RS1: variants seen among roughly 807,000 people sequenced by gnomAD.
The protein encoded by RS1 is retinoschisin.
In RS1, 2 loss-of-function variants were observed where a neutral mutation model predicts 20.8. The ratio of observed to expected loss-of-function variants is 0.10; its 90% CI spans 0.04 to 0.30. RS1 has a LOEUF of 0.30. Ranked by LOEUF, RS1 falls within the 10% of genes least tolerant of loss-of-function variation. RS1 has a pLI of 1.00. For synonymous variants in RS1, 70 were observed against 75.8 expected, an observed-to-expected ratio of 0.92 and a Z score of 0.40; for missense variants, 151 against 189.8, an observed-to-expected ratio of 0.80 and a Z score of 1.20.
Position 18,650,592 on chromosome X carries a change from G to A in RS1, c.185-3260C>T, listed in dbSNP as rs866859766. On this transcript the variant is annotated intron_variant, in intron 3 of 5. Transcript: ENST00000379984. ...TTTCAGCTGCCCAACCCAGCAATCC[G>A]GTAAGCAGAGACTCTAGACCGGTGG... The A allele has an allele frequency of 1.5e-5, 18 of 1,211,471 alleles. No individual in the cohort carries two copies. Among genetic ancestry groups the A allele is most frequent in the South Asian group, 1.1e-4 (6 of 57,032 alleles).
intron 1 of RS1, among the ~76,000 whole-genome samples, chrX:18,664,099 A>G (rs776986189): frequency 2.7e-5 from 3 of 112,339 alleles, no homozygotes; most frequent in Non-Finnish European, 5.6e-5. Context: ...CTCCAAAACC[A>G]AAAACATGTG....
chrX:18,644,658 C>A (rs759260793), intron 4 of RS1, 33 bp from the exon 5 acceptor site: 6 of 1,191,490 alleles, frequency 5.0e-6, no homozygotes, highest in Non-Finnish European at 5.7e-6. Context: ...CCGAGAGACT[C>A]CCCCTGTGCA....
chrX:18,647,645 C>G (rs995827121), intron 3 of RS1: 3 of 301,569 alleles, frequency 9.9e-6, no homozygotes, highest in Non-Finnish European at 1.8e-5. Context: ...CCTCCACCAA[C>G]TTAGAGATCT....
intron 3 of RS1, chrX:18,650,679 C>A: frequency 2.0e-6 from 2 of 1,016,977 alleles, no homozygotes; most frequent in Non-Finnish European, 2.8e-6. Context: ...GATGTTCAGG[C>A]CACACCCCCA....
chrX:18,649,079 G>T, intron 3 of RS1, among the ~76,000 whole-genome samples: 1 of 107,449 alleles, frequency 9.3e-6, no homozygotes, highest in Middle Eastern at 4.7e-3. Context: ...AGAGACCTTA[G>T]CCTTGATAAC....
At chrX:18,644,305 G>A (rs1481490100) in intron 5 of RS1, 125 bp downstream of exon 5, 5 of 620,530 alleles carry the variant, frequency 8.1e-6, no homozygotes, top group African/African-American at 2.2e-5. Flanking sequence ...GTGGGGGAAA[G>A]CGCAGATGAT....
At chrX:18,652,119 A>G (rs955388692) in intron 3 of RS1, among the ~76,000 whole-genome samples, 7 of 110,609 alleles carry the variant, frequency 6.3e-5, no homozygotes, top group Non-Finnish European at 1.3e-4. Flanking sequence ...TTCTCCCCCT[A>G]GCTGAGCAGA....
At chrX:18,647,124 C>T in intron 4 of RS1, 67 bp downstream of exon 4, 3 of 1,154,872 alleles carry the variant, frequency 2.6e-6, no homozygotes, top group Non-Finnish European at 3.5e-6. Context: ...ACTGTGTTGG[C>T]CACGCTGGTA....
chrX:18,647,893 GAA>G (rs5901648), intron 3 of RS1, among the ~76,000 whole-genome samples: 1 of 106,821 alleles, frequency 9.4e-6, no homozygotes, highest in Non-Finnish European at 1.9e-5. Context: ...CCAGTCTAAT[GAA>G]AAAAAAAATG....
Position 18,665,549 on chromosome X carries a change from C to T in RS1, c.52+6468G>A, listed in dbSNP as rs183753915. Among the ~76,000 whole-genome samples, 13 of 110,209 alleles carry T rather than the reference C, an allele frequency of 1.2e-4. No homozygotes were observed. The East Asian group carries it at 3.1e-3, about 27-fold the overall frequency. Reference sequence around the variant, plus strand: ...ATGCGTCCCCCCACCCCTACTTCTCCGCCTGCTCAGCCCATTCCCTATAAA... The same window carrying T: ...ATGCGTCCCCCCACCCCTACTTCTCTGCCTGCTCAGCCCATTCCCTATAAA... On this transcript the variant is annotated intron_variant, in intron 1 of 5. Coordinates refer to ENST00000379984, the MANE Select transcript of RS1 (RefSeq NM_000330.4).
chrX:18,650,313 G>A (rs2100001505), intron 3 of RS1: 6 of 786,366 alleles, frequency 7.6e-6, no homozygotes, highest in South Asian at 2.1e-5. Flanking sequence ...GGAAGGTGAC[G>A]CTCTCACTGT....
chrX:18,655,456 C>T (rs906947189), intron 3 of RS1, among the ~76,000 whole-genome samples: 4 of 112,023 alleles, frequency 3.6e-5, no homozygotes, highest in Non-Finnish European at 7.5e-5. Flanking sequence ...TTTGCTGGCC[C>T]CTGTCTTAGA....
chrX:18,646,369 G>A (rs1927773113), intron 4 of RS1, among the ~76,000 whole-genome samples: 1 of 111,932 alleles, frequency 8.9e-6, no homozygotes, highest in African/African-American at 3.2e-5. Context: ...GGCTAAGCTG[G>A]TCTTGAACTC....
Position 18,644,496 on chromosome X carries a change from G to A in RS1, c.456C>T (p.Ser152=), listed in dbSNP as rs777902881. Residue 152 remains serine (S), a synonymous_variant, in exon 5 of 6, where the codon AGC becomes AGT. Transcript: ENST00000379984. ...GGCGCTCATCGGTCCTGTACTGCAC[G>A]CTGTACTTGGTCATCCACTCATCGA... ...CDIDEWMTKY[S]VQYRTDERLN... 2.5e-6 allele frequency: 3 copies of A among 1,211,432 alleles called. No homozygotes were observed. Among genetic ancestry groups the A allele is most frequent in the Non-Finnish European group, 2.2e-6 (2 of 895,213 alleles).
intron 3 of RS1, among the ~76,000 whole-genome samples, chrX:18,655,956 C>T (rs1395158805): frequency 9.6e-6 from 1 of 104,309 alleles, no homozygotes; most frequent in Non-Finnish European, 2.0e-5. Flanking sequence ...GGCTGCCTAG[C>T]ATTAATTTCT....
intron 1 of RS1, 64 bp downstream of exon 1, chrX:18,671,949 TTATC>T: frequency 1.1e-6 from 1 of 907,383 alleles, no homozygotes; most frequent in Middle Eastern, 2.8e-4. Flanking sequence ...ATATTCCTAT[TTATC>T]AACGATATTA....
chrX:18,652,424 T>C (rs1216722168), intron 3 of RS1, among the ~76,000 whole-genome samples: 1 of 112,192 alleles, frequency 8.9e-6, no homozygotes, highest in Non-Finnish European at 1.9e-5. Context: ...ATCCCAGCAC[T>C]TTGGGAGGCC....
In RS1 at chrX:18,650,341, G is replaced by A. The variant is rs1602315411; in HGVS notation, c.185-3009C>T. 6.7e-6 allele frequency: 7 copies of A among 1,050,989 alleles called. No individual in the cohort carries two copies. In the South Asian group the frequency reaches 9.3e-5, roughly 14 times the overall value. 86.6% of individuals were successfully genotyped at this position (1,050,989 alleles called of 1,213,427 possible). A position where few individuals can be genotyped will look rare whatever the true frequency, so the allele number is the denominator to read the frequency against. On this transcript the variant is annotated intron_variant, in intron 3 of 5. Coordinates refer to ENST00000379984, the MANE Select transcript of RS1 (RefSeq NM_000330.4). ...CTCACTGTCACCTTGGCTTCAGCTG[G>A]TGTCTGGGAGCCGATGCCTGCCTCC...
intron 4 of RS1, among the ~76,000 whole-genome samples, chrX:18,646,469 TTAAG>T (rs1305889541): frequency 1.8e-5 from 2 of 112,825 alleles, no homozygotes; most frequent in Non-Finnish European, 3.7e-5. Flanking sequence ...AATGGAACTT[TTAAG>T]TGAGCAAGAA....
Sources: allele counts gnomAD v4.1 joint callset (sites outside exome capture counted in the v4.1 genomes callset), GRCh38; gene constraint gnomAD v4.1.1; transcripts MANE v1.5; gene names NCBI Gene and HGNC (gene_info 2026-07-23, HGNC 2026-07-21).